The following SLC36A1 variants were observed in gnomAD, a reference collection of about 807,000 sequenced individuals.
SLC36A1 encodes the protein proton-coupled amino acid transporter 1.
A neutral mutation model predicts 47.5 loss-of-function variants in SLC36A1; 30 were observed. That is an observed-to-expected ratio of 0.63 (90% CI 0.47 to 0.86). The LOEUF is 0.86. SLC36A1 is among the 40% of genes least tolerant of loss of function. The pLI is 0.00. For synonymous variants in SLC36A1, 255 were observed against 249.7 expected (o/e 1.02, Z -0.20); for missense variants, 517 against 606.0 (o/e 0.85, Z 1.54).
the SLC36A1 span, chr5:151,506,030 G>A: frequency 1.3e-6 from 2 of 1,571,094 alleles, no homozygotes; most frequent in South Asian, 1.2e-5. Flanking sequence ...TCACTTCGGA[G>A]TGGGGGTATT....
In SLC36A1 at chr5:151,492,057, G is replaced by A. The variant is rs991064164; in HGVS notation, c.*3803G>A. On this transcript the variant is annotated 3_prime_UTR_variant, in exon 11 of 11. Transcript: ENST00000243389. Reference sequence around the variant, plus strand: ...AGTAAGGAAGGTAGCAGATATAGGTGCAGGGTGCCTGTCATTCACTGTGTT... The same window carrying A: ...AGTAAGGAAGGTAGCAGATATAGGTACAGGGTGCCTGTCATTCACTGTGTT... 6.6e-5 allele frequency: 10 copies of A among 152,334 alleles called. No homozygotes were observed. Among genetic ancestry groups the A allele is most frequent in the Admixed American group, 3.3e-4 (5 of 15,304 alleles). 9.4% of individuals were successfully genotyped at this position (152,334 alleles called of 1,614,324 possible).
chr5:151,433,476 A>G, upstream of SLC36A1, among the ~76,000 whole-genome samples: 1 of 149,018 alleles, frequency 6.7e-6, no homozygotes. Flanking sequence ...TTTTTAGTAG[A>G]GACAGGGTTT....
At chr5:151,399,084 A>ATATATT in the SLC36A1 span, among the ~76,000 whole-genome samples, 105 of 60,034 alleles carry the variant, frequency 1.7e-3, no homozygotes, top group African/African-American at 3.8e-3. Context: ...ATATATATAT[A>ATATATT]TTTTTTTTTT....
chr5:151,415,276 C>A, the SLC36A1 span, among the ~76,000 whole-genome samples: 1 of 152,116 alleles, frequency 6.6e-6, no homozygotes, highest in Non-Finnish European at 1.5e-5. Context: ...GCTTGGAAGC[C>A]TTCTGGGGCT....
chr5:151,418,380 C>A, the SLC36A1 span, among the ~76,000 whole-genome samples: 25,547 of 152,190 alleles, frequency 0.17, 2,392 homozygotes, highest in East Asian at 0.38. Context: ...AACACCAGCC[C>A]ATGAAAAGCA....
At chr5:151,484,927 A>G (rs1453006569) in intron 10 of SLC36A1, among the ~76,000 whole-genome samples, 2 of 151,834 alleles carry the variant, frequency 1.3e-5, no homozygotes, top group Non-Finnish European at 2.9e-5. Context: ...CTTCCACCCC[A>G]CAGTAACACC....
the SLC36A1 span, among the ~76,000 whole-genome samples, chr5:151,536,900 T>A: frequency 6.6e-6 from 1 of 152,196 alleles, no homozygotes; most frequent in African/African-American, 2.4e-5. Context: ...CCTCCCTCTC[T>A]GGGCACCAGT....
At chr5:151,447,545 G>A (rs1753004816), upstream of SLC36A1, 1 of 152,300 alleles carries the variant, frequency 6.6e-6, no homozygotes, top group African/African-American at 2.4e-5. Flanking sequence ...AAAAAGGCGC[G>A]GCCGCTCAAG....
In SLC36A1 at chr5:151,479,194, C is replaced by T. The variant is rs78982434; in HGVS notation, c.990-126C>T. 5.6e-3 allele frequency: 5,455 copies of T among 981,552 alleles called. 42 individuals are homozygous for T. The highest frequency in any genetic ancestry group is 0.036 in the African/African-American group (2,232 of 61,996). 60.8% of individuals were successfully genotyped at this position (981,552 alleles called of 1,614,324 possible). On this transcript the variant is annotated intron_variant, in intron 9 of 10. Transcript: ENST00000243389. ...TTTCTAGACATGAAATTGCTGGGTC[C>T]GAAGGACATGTGGGTTTGTATCCTT...
At chr5:151,519,838 C>T in the SLC36A1 span, among the ~76,000 whole-genome samples, 1 of 152,086 alleles carries the variant, frequency 6.6e-6, no homozygotes, top group Admixed American at 6.6e-5. Context: ...GCCCTTGCAC[C>T]TGCTGCTTCA....
the SLC36A1 span, among the ~76,000 whole-genome samples, chr5:151,426,303 G>A: frequency 6.6e-6 from 1 of 151,998 alleles, no homozygotes; most frequent in Admixed American, 6.6e-5. Context: ...ACCTGCGCCA[G>A]CACTGGTCTC....
At chr5:151,481,926 T>A (rs900577971) in intron 10 of SLC36A1, among the ~76,000 whole-genome samples, 1 of 152,204 alleles carries the variant, frequency 6.6e-6, no homozygotes, top group Non-Finnish European at 1.5e-5. Flanking sequence ...AGTTGTAGGA[T>A]CAACGGTTTT....
chr5:151,382,247 C>T, the SLC36A1 span: 109 of 1,330,904 alleles, frequency 8.2e-5, no homozygotes, highest in Admixed American at 7.8e-4. Flanking sequence ...TCGAGACTCA[C>T]TACCAGCCTG....
At position 151,463,550 on chromosome 5, in the gene SLC36A1, C is replaced by T. The variant is rs761095594; in HGVS notation, c.144-3C>T. Reference sequence around the variant, plus strand: ...TCATTTCCTTGGCTGTCTTCCACTTCAGATGGTTCCAGACCTTGATCCACC... The same window carrying T: ...TCATTTCCTTGGCTGTCTTCCACTTTAGATGGTTCCAGACCTTGATCCACC... On this transcript the variant is annotated splice_polypyrimidine_tract_variant and splice_region_variant and intron_variant, in intron 2 of 10. Transcript: ENST00000243389. 11 of 1,611,930 alleles carry T rather than the reference C, an allele frequency of 6.8e-6. No individual in the cohort carries two copies. The highest frequency in any genetic ancestry group is 8.5e-6 in the Non-Finnish European group (10 of 1,177,954).
chr5:151,381,907 T>C, the SLC36A1 span: 1 of 309,542 alleles, frequency 3.2e-6, no homozygotes, highest in African/African-American at 2.2e-5. Context: ...AATTACTCTT[T>C]CTCTGTCGCA....
At chr5:151,549,518 AG>A in the SLC36A1 span, 9 of 1,613,088 alleles carry the variant, frequency 5.6e-6, no homozygotes, top group Middle Eastern at 6.6e-4. Context: ...ATGGGCCCAA[AG>A]GGGGTAATTG....
the SLC36A1 span, among the ~76,000 whole-genome samples, chr5:151,377,420 C>T: frequency 3.4e-5 from 5 of 147,022 alleles, no homozygotes; most frequent in Admixed American, 2.0e-4. Context: ...GCGATCTCGA[C>T]TCACTGCAAG....
the SLC36A1 span, among the ~76,000 whole-genome samples, chr5:151,354,388 G>A: frequency 5.3e-5 from 8 of 152,136 alleles, no homozygotes; most frequent in Admixed American, 2.6e-4. Flanking sequence ...AATTCATTTG[G>A]ATAAATATTG....
downstream of SLC36A1, among the ~76,000 whole-genome samples, chr5:151,494,351 T>C (rs1044542736): frequency 2.6e-5 from 4 of 152,228 alleles, no homozygotes; most frequent in African/African-American, 9.6e-5. Context: ...TTTTCAAATG[T>C]GCAGTTCAAT....
Sources: allele counts gnomAD v4.1 joint callset (sites outside exome capture counted in the v4.1 genomes callset), GRCh38; gene constraint gnomAD v4.1.1; transcripts MANE v1.5; gene names NCBI Gene and HGNC (gene_info 2026-07-23, HGNC 2026-07-21).